Variants in TG observed in about 807,000 individuals in gnomAD.
The protein encoded by TG is thyroid hormones.
A neutral mutation model predicts 324.7 loss-of-function variants in TG; 270 were observed. The observed-to-expected ratio is 0.83, with a 90% CI of 0.75 to 0.92. TG has a LOEUF of 0.92. Ranked by LOEUF, TG falls within the 40% of genes least tolerant of loss-of-function variation. TG has a pLI of 0.00. For synonymous variants in TG, 1,401 were observed against 1,327.0 expected (o/e 1.06, Z -1.21); for missense variants, 3,591 against 3,456.4 (o/e 1.04, Z -0.98).
chr8:132,881,236 G>A (rs1379855621), intron 5 of TG, among the ~76,000 whole-genome samples: 2 of 152,172 alleles, frequency 1.3e-5, no homozygotes, highest in Admixed American at 1.3e-4. Flanking sequence ...TATAACAATT[G>A]CCAGGCCAGA....
At chr8:133,082,574 G>T (rs1487604418) in intron 41 of TG, among the ~76,000 whole-genome samples, 1 of 152,198 alleles carries the variant, frequency 6.6e-6, no homozygotes, top group Non-Finnish European at 1.5e-5. Flanking sequence ...GGAAACAGCG[G>T]CTGGACATTG....
chr8:132,887,352 A>T lies in TG; in HGVS notation c.1980A>T (p.Thr660=), dbSNP rs766645373. 6.2e-7 allele frequency: 1 copy of T among 1,613,738 alleles called. No homozygotes were observed. The highest frequency in any genetic ancestry group is 1.7e-5 in the Admixed American group (1 of 60,020). The change falls in exon 9 of 48, where the codon ACA becomes ACT. Residue 660 remains threonine (T), a synonymous_variant. Coordinates refer to ENST00000220616, the MANE Select transcript of TG (RefSeq NM_003235.5). ...GAGGTGGACAGCCAAGGTGCCCCACAGACTGTGAAAAGCAAAGGGCTCGCA... is the reference window on the plus strand; with the variant it reads ...GAGGTGGACAGCCAAGGTGCCCCACTGACTGTGAAAAGCAAAGGGCTCGCA... ...RVRGGQPRCP[T]DCEKQRARMQ...
chr8:132,916,857 A>G (rs1191283033), intron 20 of TG, among the ~76,000 whole-genome samples: 1 of 152,152 alleles, frequency 6.6e-6, no homozygotes. Context: ...GATGATATTA[A>G]CTTTCACTCA....
At chr8:132,911,958 A>T (rs952319101) in intron 19 of TG, among the ~76,000 whole-genome samples, 2 of 152,178 alleles carry the variant, frequency 1.3e-5, no homozygotes, top group Non-Finnish European at 2.9e-5. Flanking sequence ...GGAGAGAGAG[A>T]AGAATGGATT....
chr8:132,888,190 C>T lies in TG; in HGVS notation c.2383C>T (p.Gln795Ter), dbSNP rs1255359464. ...ACGATGGGAGGCTCAGAACAAGGGCCAGGATCTGACGCCTGCCAAGCTGCT... is the reference window on the plus strand; with the variant it reads ...ACGATGGGAGGCTCAGAACAAGGGCTAGGATCTGACGCCTGCCAAGCTGCT... ...YQRWEAQNKGQDLTPAKLLVK... is the reference protein window; with the variant it reads ...YQRWEAQNKG The change falls in exon 10 of 48, where the codon CAG becomes TAG. Residue 795 changes from glutamine (Q) to a stop codon, truncating the protein, a stop_gained. Coordinates refer to ENST00000220616, the MANE Select transcript of TG (RefSeq NM_003235.5). LOFTEE classifies it high-confidence loss of function. 1 of 1,614,190 alleles carries T rather than the reference C, an allele frequency of 6.2e-7. No homozygotes were observed. The highest frequency in any genetic ancestry group is 1.1e-5 in the South Asian group (1 of 91,074).
intron 41 of TG, among the ~76,000 whole-genome samples, chr8:133,048,177 C>A (rs1353546283): frequency 6.6e-6 from 1 of 152,132 alleles, no homozygotes; most frequent in Non-Finnish European, 1.5e-5. Flanking sequence ...CTGGGACATC[C>A]AATTCCATAA....
At chr8:133,067,927 GAGAGAA>G (rs1364248838) in intron 41 of TG, among the ~76,000 whole-genome samples, 9 of 149,674 alleles carry the variant, frequency 6.0e-5, no homozygotes, top group Admixed American at 2.0e-4. Flanking sequence ...AAGAGAGAGA[GAGAGAA>G]AGAAAGAAAG....
At chr8:132,873,735 ATTCT>A (rs1342559006) in intron 5 of TG, among the ~76,000 whole-genome samples, 3 of 152,234 alleles carry the variant, frequency 2.0e-5, no homozygotes, top group Non-Finnish European at 4.4e-5. Context: ...GAGCAAAAAG[ATTCT>A]TTATTTGTGC....
chr8:133,058,543 G>T (rs1049824757), intron 41 of TG, among the ~76,000 whole-genome samples: 1 of 152,246 alleles, frequency 6.6e-6, no homozygotes, highest in African/African-American at 2.4e-5. Context: ...ACCCAAGATG[G>T]GTTCGGTGGG....
intron 41 of TG, among the ~76,000 whole-genome samples, chr8:133,057,157 G>T (rs1841585631): frequency 1.3e-5 from 2 of 151,302 alleles, no homozygotes; most frequent in African/African-American, 4.9e-5. Flanking sequence ...GACAGAAAGG[G>T]GTCTGTGCTG....
chr8:132,884,327 TCTC>T (rs1020959784), intron 8 of TG, among the ~76,000 whole-genome samples: 1 of 152,186 alleles, frequency 6.6e-6, no homozygotes, highest in Non-Finnish European at 1.5e-5. Context: ...GACCCCATTT[TCTC>T]CTCCTGGTGA....
intron 41 of TG, among the ~76,000 whole-genome samples, chr8:133,055,018 A>G (rs951739860): frequency 1.3e-5 from 2 of 152,196 alleles, no homozygotes; most frequent in Admixed American, 6.5e-5. Context: ...TTAAGGGTGA[A>G]GAAGCCAAAG....
At chr8:133,097,511 C>T (rs1337120128) in intron 43 of TG, among the ~76,000 whole-genome samples, 2 of 152,192 alleles carry the variant, frequency 1.3e-5, no homozygotes, top group African/African-American at 4.8e-5. Flanking sequence ...AGATTTATCT[C>T]TACTGGCTTA....
intron 41 of TG, among the ~76,000 whole-genome samples, chr8:133,065,335 C>T (rs1564141762): frequency 6.6e-6 from 1 of 152,254 alleles, no homozygotes; most frequent in Non-Finnish European, 1.5e-5. Flanking sequence ...AGAGCTAAAG[C>T]TGGGATTCCA....
intron 43 of TG, among the ~76,000 whole-genome samples, chr8:133,111,075 C>T (rs1179488431): frequency 6.6e-6 from 1 of 152,188 alleles, no homozygotes; most frequent in Non-Finnish European, 1.5e-5. Context: ...CACTTGAACC[C>T]TAAGTTTTGA....
intron 41 of TG, among the ~76,000 whole-genome samples, chr8:133,068,755 C>T (rs775786216): frequency 1.3e-5 from 2 of 152,206 alleles, no homozygotes; most frequent in East Asian, 1.9e-4. Flanking sequence ...CCATTCCTGA[C>T]GTGGCTTTGA....
chr8:132,901,132 T>C (rs1019356731), intron 15 of TG, among the ~76,000 whole-genome samples: 1 of 152,120 alleles, frequency 6.6e-6, no homozygotes, highest in Non-Finnish European at 1.5e-5. Context: ...TCTAAGCTGC[T>C]TGAGGGCAGG....
chr8:133,130,099 T>C (rs1309023451), intron 45 of TG, among the ~76,000 whole-genome samples: 1 of 152,214 alleles, frequency 6.6e-6, no homozygotes, highest in Admixed American at 6.5e-5. Context: ...TAAGCATAAT[T>C]GTGTCACCAT....
At chr8:133,054,317 A>G (rs1055531295) in intron 41 of TG, among the ~76,000 whole-genome samples, 2 of 152,200 alleles carry the variant, frequency 1.3e-5, no homozygotes, top group African/African-American at 2.4e-5. Context: ...TGCACTGCGC[A>G]TGAAAGAAGA....
Sources: allele counts gnomAD v4.1 joint callset (sites outside exome capture counted in the v4.1 genomes callset), GRCh38; gene constraint gnomAD v4.1.1; transcripts MANE v1.5; gene names NCBI Gene and HGNC (gene_info 2026-07-23, HGNC 2026-07-21).